Variants in ECT2L observed in about 807,000 individuals in gnomAD.
ECT2L encodes the protein epithelial cell-transforming sequence 2 oncogene-like.
ECT2L carries 126 observed loss-of-function variants against 122.8 expected under a neutral mutation model. The ratio of observed to expected loss-of-function variants is 1.03; its 90% CI spans 0.89 to 1.19. The LOEUF (loss-of-function observed/expected upper bound fraction) is 1.19. Among genes scored for constraint, ECT2L ranks in the 50% most tolerant of loss-of-function variants. The pLI is 0.00. For missense variants in ECT2L, 1,012 were observed against 1,064.1 expected (o/e 0.95, Z 0.68); for synonymous variants, 385 against 381.8 (o/e 1.01, Z -0.10).
chr6:138,864,604 C>CA (rs1288197333), intron 11 of ECT2L, among the ~76,000 whole-genome samples: 27 of 152,168 alleles, frequency 1.8e-4, no homozygotes, highest in African/African-American at 6.5e-4. Context: ...GGTTGACTTC[C>CA]AATGGCCTGA....
intron 19 of ECT2L, among the ~76,000 whole-genome samples, chr6:138,887,309 C>T (rs1778863115): frequency 2.6e-5 from 4 of 151,718 alleles, no homozygotes; most frequent in Admixed American, 2.0e-4. Flanking sequence ...TCACTGCAAG[C>T]TCCACCTCCC....
chr6:138,830,514 C>T (rs1367821788), intron 4 of ECT2L, among the ~76,000 whole-genome samples: 14 of 152,202 alleles, frequency 9.2e-5, no homozygotes, highest in Admixed American at 9.2e-4. Context: ...CAGGGACTGT[C>T]CCCAGATCCC....
chr6:138,829,828 C>T (rs557006166), intron 4 of ECT2L, among the ~76,000 whole-genome samples: 2 of 151,964 alleles, frequency 1.3e-5, no homozygotes, highest in South Asian at 2.1e-4. Context: ...GTTCCAGCGA[C>T]TCTCCCACCT....
At position 138,880,975 on chromosome 6, in the gene ECT2L, G is replaced by A. The variant is rs772772800; in HGVS notation, c.1684G>A (p.Asp562Asn). 32 of 1,613,800 alleles carry A rather than the reference G, an allele frequency of 2.0e-5. No individual in the cohort carries two copies. Among genetic ancestry groups the A allele is most frequent in the Admixed American group, 6.7e-5 (4 of 60,002 alleles). Reference protein sequence around the residue: ...LINLERILQKDSAEKRARVVR... With the variant: ...LINLERILQKNSAEKRARVVR... ...TCTACAGGAGAGAATACTCCAGAAG[G>A]ACTCAGCAGAAAAGCGAGCTAGAGT... Residue 562 changes from aspartate (D) to asparagine (N), a missense_variant, in exon 15 of 22, where the codon GAC (aspartate) becomes AAC (asparagine). Transcript: ENST00000541398.
At chr6:138,881,224 C>CATA in intron 15 of ECT2L, 53 bp downstream of exon 15, 1 of 1,528,350 alleles carries the variant, frequency 6.5e-7, no homozygotes, top group South Asian at 1.2e-5. Flanking sequence ...TGAGAAGAGC[C>CATA]CATGCTTTAT....
chr6:138,858,130 G>C (rs192716421), intron 10 of ECT2L, among the ~76,000 whole-genome samples: 6 of 152,098 alleles, frequency 3.9e-5, no homozygotes, highest in Admixed American at 2.6e-4. Flanking sequence ...TTTTGGGTGG[G>C]GACACAGCCA....
At chr6:138,891,295 C>T (rs1779015318) in intron 20 of ECT2L, among the ~76,000 whole-genome samples, 1 of 152,180 alleles carries the variant, frequency 6.6e-6, no homozygotes, top group African/African-American at 2.4e-5. Flanking sequence ...TTTGAAATGG[C>T]CCTGCAAAGT....
At chr6:138,822,201 C>T (rs1207795230) in intron 4 of ECT2L, among the ~76,000 whole-genome samples, 1 of 152,236 alleles carries the variant, frequency 6.6e-6, no homozygotes, top group African/African-American at 2.4e-5. Context: ...GCTGCAAGCA[C>T]TCTGCCAGTT....
chr6:138,836,239 T>C (rs957036204), intron 4 of ECT2L, among the ~76,000 whole-genome samples: 1 of 151,974 alleles, frequency 6.6e-6, no homozygotes, highest in African/African-American at 2.4e-5. Context: ...TCTATGTAAA[T>C]ATCCTGTTTC....
intron 16 of ECT2L, among the ~76,000 whole-genome samples, chr6:138,885,003 T>C (rs950790773): frequency 1.7e-4 from 26 of 151,542 alleles, no homozygotes; most frequent in Non-Finnish European, 2.8e-4. Flanking sequence ...GTCAGGTCTA[T>C]GTATAATTAA....
chr6:138,837,444 C>A (rs557549230), intron 4 of ECT2L, among the ~76,000 whole-genome samples: 2 of 152,128 alleles, frequency 1.3e-5, no homozygotes, highest in African/African-American at 4.8e-5. Flanking sequence ...CGTAACAGCA[C>A]ACTAGTCTCT....
intron 13 of ECT2L, among the ~76,000 whole-genome samples, chr6:138,869,404 C>T (rs1276936069): frequency 6.6e-6 from 1 of 152,152 alleles, no homozygotes; most frequent in African/African-American, 2.4e-5. Context: ...GTATCTGCTC[C>T]TGTTTCAGTG....
chr6:138,832,397 C>T (rs898149309), intron 4 of ECT2L, among the ~76,000 whole-genome samples: 11 of 152,068 alleles, frequency 7.2e-5, no homozygotes, highest in Admixed American at 5.9e-4. Context: ...GGATAACTGC[C>T]CTGGGTTGTG....
intron 19 of ECT2L, among the ~76,000 whole-genome samples, chr6:138,887,331 A>G (rs1778863740): frequency 6.6e-6 from 1 of 150,796 alleles, no homozygotes; most frequent in Non-Finnish European, 1.5e-5. Context: ...GGTTCACACC[A>G]TTCTCCTTCC....
Position 138,862,622 on chromosome 6 carries a change from T to C in ECT2L, c.1199-5T>C, listed in dbSNP as rs1379640277. ...AAACTAACGAAAGTGTTTTTGACTA[T>C]GCAGAGGCAGGAATTGAAGTTCTTT... On this transcript the variant is annotated splice_region_variant and splice_polypyrimidine_tract_variant and intron_variant, in intron 10 of 21. Coordinates refer to ENST00000541398, the MANE Select transcript of ECT2L (RefSeq NM_001077706.3). 1.2e-6 allele frequency: 2 copies of C among 1,613,814 alleles called. No individual in the cohort carries two copies. Among genetic ancestry groups the C allele is most frequent in the Non-Finnish European group, 1.7e-6 (2 of 1,179,776 alleles).
intron 4 of ECT2L, among the ~76,000 whole-genome samples, chr6:138,827,778 CAAA>C (rs1322245338): frequency 6.6e-6 from 1 of 152,114 alleles, no homozygotes; most frequent in East Asian, 1.9e-4. Flanking sequence ...AGACTGGTTT[CAAA>C]CTCCTGACCT....
chr6:138,899,044 T>C (rs530638700), intron 20 of ECT2L, among the ~76,000 whole-genome samples: 18 of 152,266 alleles, frequency 1.2e-4, no homozygotes, highest in African/African-American at 3.1e-4. Context: ...GTGTAGCCTT[T>C]GACCAATCCG....
At chr6:138,859,810 C>CA (rs777634158) in intron 10 of ECT2L, among the ~76,000 whole-genome samples, 1 of 145,874 alleles carries the variant, frequency 6.9e-6, no homozygotes, top group Non-Finnish European at 1.5e-5. Context: ...AAGCACAGTT[C>CA]TTTTTTTTTT....
At position 138,886,928 on chromosome 6, in the gene ECT2L, T is replaced by C; in HGVS notation, c.2325+6T>C. 6.2e-7 allele frequency: 1 copy of C among 1,609,572 alleles called. No individual in the cohort carries two copies. The highest frequency in any genetic ancestry group is 1.3e-5 in the African/African-American group (1 of 74,964). ...GAATCATCTGGGGATGCCCTGTATG[T>C]ATTCTTAGGAACTTGCTGTATCTCA... On this transcript the variant is annotated splice_donor_region_variant and intron_variant, in intron 19 of 21. Coordinates refer to ENST00000541398, the MANE Select transcript of ECT2L (RefSeq NM_001077706.3).
Sources: allele counts gnomAD v4.1 joint callset (sites outside exome capture counted in the v4.1 genomes callset), GRCh38; gene constraint gnomAD v4.1.1; transcripts MANE v1.5; gene names NCBI Gene and HGNC (gene_info 2026-07-23, HGNC 2026-07-21).